ADK: variants seen among roughly 807,000 people sequenced by gnomAD.
ADK encodes the protein adenosine kinase.
Under a neutral mutation model 44.7 loss-of-function variants are expected in ADK, and 24 were observed. That is an observed-to-expected ratio of 0.54 (90% confidence interval 0.39 to 0.76). The LOEUF is 0.76. Ranked by LOEUF, ADK falls within the 30% of genes least tolerant of loss-of-function variation. ADK has a pLI of 0.00. For missense variants in ADK, 321 were observed against 425.1 expected, an observed-to-expected ratio of 0.76 and a Z score of 2.15; for synonymous variants, 128 against 142.6, an observed-to-expected ratio of 0.90 and a Z score of 0.73.
chr10:74,430,626 A>T (rs1844950852), intron 6 of ADK, among the ~76,000 whole-genome samples: 1 of 152,124 alleles, frequency 6.6e-6, no homozygotes, highest in Admixed American at 6.5e-5. Flanking sequence ...TAAAAGGAAC[A>T]TCAATTTTCA....
intron 6 of ADK, among the ~76,000 whole-genome samples, chr10:74,456,666 CAAAAAAA>C (rs71024510): frequency 1.4e-4 from 9 of 63,088 alleles, no homozygotes; most frequent in Admixed American, 8.2e-4. Flanking sequence ...GACTCCATCT[CAAAAAAA>C]AAAAAAAAAA....
At chr10:74,584,629 A>T (rs1247036337) in intron 7 of ADK, among the ~76,000 whole-genome samples, 1 of 152,202 alleles carries the variant, frequency 6.6e-6, no homozygotes, top group Non-Finnish European at 1.5e-5. Flanking sequence ...TCTAACCTAT[A>T]CCACTCCGTT....
intron 9 of ADK, among the ~76,000 whole-genome samples, chr10:74,608,945 C>G (rs1440504997): frequency 6.6e-6 from 1 of 152,142 alleles, no homozygotes; most frequent in African/African-American, 2.4e-5. Flanking sequence ...TCTAGAGAGG[C>G]GGTCTGGCTA....
intron 3 of ADK, among the ~76,000 whole-genome samples, chr10:74,241,562 T>C (rs915014879): frequency 2.0e-5 from 3 of 152,110 alleles, no homozygotes; most frequent in African/African-American, 7.2e-5. Context: ...ATTTTTGTAT[T>C]TTTAGTAGAG....
At chr10:74,573,551 A>G (rs1851052578) in intron 7 of ADK, among the ~76,000 whole-genome samples, 1 of 152,204 alleles carries the variant, frequency 6.6e-6, no homozygotes, top group Admixed American at 6.5e-5. Flanking sequence ...AGATAGGGAC[A>G]TTTAAGTCTG....
At chr10:74,331,741 C>T (rs1194108678) in intron 4 of ADK, among the ~76,000 whole-genome samples, 1 of 152,230 alleles carries the variant, frequency 6.6e-6, no homozygotes, top group Non-Finnish European at 1.5e-5. Context: ...CTGCCTTGGC[C>T]TCCCAAAGTG....
chr10:74,316,707 G>T (rs189278718), intron 4 of ADK, among the ~76,000 whole-genome samples: 4 of 152,202 alleles, frequency 2.6e-5, no homozygotes, highest in African/African-American at 9.6e-5. Flanking sequence ...TTACAGTAGT[G>T]TGAAAATGAA....
intron 2 of ADK, among the ~76,000 whole-genome samples, chr10:74,214,254 GC>G (rs1014955396): frequency 8.8e-4 from 133 of 151,804 alleles, no homozygotes; most frequent in African/African-American, 3.1e-3. Context: ...TAATGGTTTT[GC>G]CCCCCCATTT....
intron 3 of ADK, among the ~76,000 whole-genome samples, chr10:74,250,305 G>T (rs902797284): frequency 6.6e-6 from 1 of 152,208 alleles, no homozygotes; most frequent in Non-Finnish European, 1.5e-5. Context: ...AGTAGAAATA[G>T]TCGGGTATAG....
chr10:74,530,936 G>A (rs1397452862), intron 7 of ADK, among the ~76,000 whole-genome samples: 2 of 152,106 alleles, frequency 1.3e-5, no homozygotes, highest in African/African-American at 4.8e-5. Flanking sequence ...GAAAAAAGAA[G>A]GGTATCTCAA....
intron 1 of ADK, among the ~76,000 whole-genome samples, chr10:74,192,900 G>A (rs1397877603): frequency 2.0e-5 from 3 of 152,132 alleles, no homozygotes; most frequent in Non-Finnish European, 4.4e-5. Context: ...TTCTTCCTCT[G>A]GGATAAATGC....
intron 6 of ADK, among the ~76,000 whole-genome samples, chr10:74,503,482 GAAC>G (rs1200050244): frequency 3.6e-4 from 55 of 152,062 alleles, no homozygotes; most frequent in Non-Finnish European, 5.9e-5. Flanking sequence ...AAGGTTTTTT[GAAC>G]AAAGGAGCTT....
chr10:74,209,638 A>G (rs1216257704), intron 2 of ADK, among the ~76,000 whole-genome samples: 12 of 151,714 alleles, frequency 7.9e-5, no homozygotes, highest in African/African-American at 2.7e-4. Flanking sequence ...TTTAGAGACA[A>G]GTTTTTCTGT....
intron 9 of ADK, among the ~76,000 whole-genome samples, chr10:74,616,770 T>C (rs1852774617): frequency 6.6e-6 from 1 of 152,174 alleles, no homozygotes; most frequent in Admixed American, 6.5e-5. Context: ...AATTCCTTAC[T>C]AGAGTTTTTT....
intron 10 of ADK, among the ~76,000 whole-genome samples, chr10:74,690,758 G>A (rs765761730): frequency 2.6e-5 from 4 of 152,064 alleles, no homozygotes; most frequent in Non-Finnish European, 4.4e-5. Flanking sequence ...AAGTGCATAC[G>A]TGGCTTTCTC....
chr10:74,382,026 A>G (rs181622237), intron 4 of ADK, among the ~76,000 whole-genome samples: 7 of 152,256 alleles, frequency 4.6e-5, no homozygotes. Flanking sequence ...TTCTGGGCAG[A>G]TGCATTTGAG....
intron 6 of ADK, among the ~76,000 whole-genome samples, chr10:74,442,715 G>A (rs758614107): frequency 6.6e-6 from 1 of 152,110 alleles, no homozygotes; most frequent in Non-Finnish European, 1.5e-5. Flanking sequence ...TTGTACTCCC[G>A]TGTTCAGCTG....
chr10:74,648,073 A>T (rs1449207283), intron 9 of ADK, among the ~76,000 whole-genome samples: 1 of 152,076 alleles, frequency 6.6e-6, no homozygotes, highest in Non-Finnish European at 1.5e-5. Context: ...TTCTTTATTT[A>T]AAAAGTATAT....
At chr10:74,431,551 C>T (rs1844999500) in intron 6 of ADK, among the ~76,000 whole-genome samples, 2 of 152,008 alleles carry the variant, frequency 1.3e-5, no homozygotes, top group Non-Finnish European at 2.9e-5. Context: ...GACCAGCATG[C>T]CCAACATGGT....
Sources: gnomAD v4.1 joint callset for allele counts (sites outside exome capture counted in the v4.1 genomes callset) on GRCh38, gnomAD v4.1.1 for gene constraint, MANE v1.5 for transcripts, NCBI Gene and HGNC (gene_info 2026-07-23, HGNC 2026-07-21) for gene names.